FAM184B: variants seen among roughly 807,000 people sequenced by gnomAD.
The protein encoded by FAM184B is family with sequence similarity 184 member B.
In FAM184B, 111 loss-of-function variants were observed where a neutral mutation model predicts 135.9. The ratio of observed to expected loss-of-function variants is 0.82; its 90% CI spans 0.70 to 0.96. FAM184B has a LOEUF of 0.96. Among genes scored for constraint, FAM184B ranks in the 40% least tolerant of loss-of-function variants. The probability of loss-of-function intolerance (pLI) is 0.00; values close to 1 mark genes in which losing one functional copy is unlikely to be tolerated. For missense variants in FAM184B, 1,375 were observed against 1,323.9 expected (o/e 1.04, Z -0.60); for synonymous variants, 552 against 524.8 (o/e 1.05, Z -0.71).
chr4:17,708,954 G>T lies in FAM184B; in HGVS notation c.832C>A (p.His278Asn). Residue 278 changes from histidine to asparagine, a missense_variant, in exon 2 of 18, where the codon CAC (histidine) becomes AAC (asparagine). Transcript: ENST00000265018. ...QVRKLEGDLE[H>N]RGRKISDLKK... The stretch of plus-strand genomic sequence containing the variant: ...AGGTCACTTATCTTGCGGCCTCTGT[G>T]CTCCAGGTCTCCTTCCAGCTTCCGG... 6.5e-7 allele frequency: 1 copy of T among 1,549,556 alleles called. No homozygotes were observed.
intron 13 of FAM184B, among the ~76,000 whole-genome samples, chr4:17,640,075 A>G (rs1396346872): frequency 6.8e-6 from 1 of 146,400 alleles, no homozygotes; most frequent in Non-Finnish European, 1.5e-5. Flanking sequence ...CGGGTGATCC[A>G]TGCGCTTCAG....
intron 5 of FAM184B, among the ~76,000 whole-genome samples, 180 bp from the exon 6 acceptor site, chr4:17,693,592 A>G (rs891575033): frequency 6.6e-6 from 1 of 152,208 alleles, no homozygotes; most frequent in Non-Finnish European, 1.5e-5. Flanking sequence ...ACGTCACAAC[A>G]CAAAGCCTGA....
In FAM184B at chr4:17,700,918, G is replaced by GA. The variant is rs200299009; in HGVS notation, c.1377+4081dup. 3.8e-3 allele frequency among the ~76,000 whole-genome samples: 564 copies of GA among 149,982 alleles called. 2 individuals are homozygous for GA. The highest frequency in any genetic ancestry group is 0.013 in the African/African-American group (516 of 40,842). ...TTATTTTGGAAATTGATAGAAATAT[G>GA]AAAAAAAAATCTGAGATTTTGGTGG... On this transcript the variant is annotated intron_variant, in intron 5 of 17. Coordinates refer to ENST00000265018, the MANE Select transcript of FAM184B (RefSeq NM_015688.2).
intron 1 of FAM184B, among the ~76,000 whole-genome samples, chr4:17,745,962 C>T (rs1718149834): frequency 6.6e-6 from 1 of 152,080 alleles, no homozygotes; most frequent in South Asian, 2.1e-4. Flanking sequence ...CTACAAAGAA[C>T]TTTTTTTAAA....
intron 12 of FAM184B, among the ~76,000 whole-genome samples, chr4:17,644,017 G>A (rs927880626): frequency 1.3e-5 from 2 of 152,234 alleles, no homozygotes; most frequent in African/African-American, 4.8e-5. Context: ...GGGCCACTGT[G>A]TGCCAGGGAA....
intron 1 of FAM184B, among the ~76,000 whole-genome samples, chr4:17,729,174 C>T (rs1261598070): frequency 6.6e-6 from 1 of 152,224 alleles, no homozygotes; most frequent in Non-Finnish European, 1.5e-5. Flanking sequence ...TGAGATCAAA[C>T]TGCAAGGTGG....
At chr4:17,742,645 T>C (rs2108984021) in intron 1 of FAM184B, among the ~76,000 whole-genome samples, 1 of 152,324 alleles carries the variant, frequency 6.6e-6, no homozygotes, top group East Asian at 1.9e-4. Flanking sequence ...GAGAAGCAAC[T>C]GAGCATCAAA....
chr4:17,705,213 A>G lies in FAM184B; in HGVS notation c.1171-7T>C. On this transcript the variant is annotated splice_polypyrimidine_tract_variant and splice_region_variant and intron_variant, in intron 4 of 17. Coordinates refer to ENST00000265018, the MANE Select transcript of FAM184B (RefSeq NM_015688.2). ...CACTTGCCTCTTTCTTGGTCTATAA[A>G]AAGAAAAAGGACCTTGTAAAACCAC... 1 of 1,549,858 alleles carries G rather than the reference A, an allele frequency of 6.5e-7. No homozygotes were observed. Among genetic ancestry groups the G allele is most frequent in the Non-Finnish European group, 8.7e-7 (1 of 1,146,298 alleles).
chr4:17,666,386 C>G (rs1716049599), intron 7 of FAM184B, among the ~76,000 whole-genome samples: 1 of 147,358 alleles, frequency 6.8e-6, no homozygotes, highest in Non-Finnish European at 1.5e-5. Context: ...TCACTGCAAC[C>G]TCTGTCTCCC....
At chr4:17,697,448 T>G (rs1043061235) in intron 5 of FAM184B, among the ~76,000 whole-genome samples, 1 of 152,198 alleles carries the variant, frequency 6.6e-6, no homozygotes, top group Non-Finnish European at 1.5e-5. Context: ...ATAGTCTCTG[T>G]TCAGTAAATC....
At chr4:17,706,898 T>C (rs1009594089) in intron 3 of FAM184B, among the ~76,000 whole-genome samples, 1 of 151,974 alleles carries the variant, frequency 6.6e-6, no homozygotes, top group African/African-American at 2.4e-5. Context: ...TGAGTCCCCT[T>C]CCTCAGCCTC....
intron 1 of FAM184B, among the ~76,000 whole-genome samples, chr4:17,730,036 A>G (rs572579020): frequency 3.1e-4 from 47 of 152,328 alleles, no homozygotes; most frequent in African/African-American, 1.1e-3. Flanking sequence ...AGATGATTGG[A>G]TAACTAGAAT....
intron 5 of FAM184B, among the ~76,000 whole-genome samples, chr4:17,697,719 C>T (rs1416534037): frequency 6.6e-6 from 1 of 152,180 alleles, no homozygotes; most frequent in Non-Finnish European, 1.5e-5. Flanking sequence ...TTCACTGTAA[C>T]AGCACAGTGA....
chr4:17,709,291 C>G lies in FAM184B; in HGVS notation c.495G>C (p.Leu165=). The G allele has an allele frequency of 6.5e-7, 1 of 1,548,944 alleles. No individual in the cohort carries two copies. The highest frequency in any genetic ancestry group is 8.7e-7 in the Non-Finnish European group (1 of 1,145,726). ...KADYERRLQH[L]TSHEATPQGR... ...CCTGCGGGGTAGCCTCGTGGCTCGT[C>G]AGGTGCTGGAGCCTCCTCTCGTAGT... Residue 165 remains leucine, a synonymous_variant, in exon 2 of 18, where the codon CTG becomes CTC. Transcript: ENST00000265018.
intron 7 of FAM184B, among the ~76,000 whole-genome samples, chr4:17,683,994 G>C (rs1716508469): frequency 6.6e-6 from 1 of 151,572 alleles, no homozygotes; most frequent in East Asian, 1.9e-4. Flanking sequence ...AGGATTGCTT[G>C]AGCCCAGGAA....
chr4:17,708,881 T>C lies in FAM184B; in HGVS notation c.894+11A>G, dbSNP rs1477537589. The C allele has an allele frequency of 4.0e-6, 6 of 1,487,180 alleles. No individual in the cohort carries two copies. The highest frequency in any genetic ancestry group is 5.4e-6 in the Non-Finnish European group (6 of 1,115,972). 92.1% of individuals were successfully genotyped at this position (1,487,180 alleles called of 1,614,324 possible). On this transcript the variant is annotated intron_variant, in intron 2 of 17. Transcript: ENST00000265018. ...ATCCCTTTGGGGTTGTAAGAAGAGA[T>C]GCTGCTTTACCTGAATCCTCTCCTT...
chr4:17,733,095 A>G (rs1717824292), intron 1 of FAM184B, among the ~76,000 whole-genome samples: 1 of 152,180 alleles, frequency 6.6e-6, no homozygotes, highest in Non-Finnish European at 1.5e-5. Flanking sequence ...CCACATGATT[A>G]TCTCAATAGA....
intron 1 of FAM184B, among the ~76,000 whole-genome samples, chr4:17,757,048 C>G (rs75854860): frequency 0.038 from 5,788 of 152,284 alleles, 358 homozygotes; most frequent in African/African-American, 0.13. Flanking sequence ...CAGACAGTAT[C>G]TTCCTTCTGA....
intron 1 of FAM184B, among the ~76,000 whole-genome samples, chr4:17,741,625 G>A (rs797009977): frequency 3.3e-5 from 5 of 152,244 alleles, no homozygotes; most frequent in African/African-American, 1.2e-4. Flanking sequence ...CCCAGGAGGC[G>A]GAAGTTGCAG....
Sources: allele counts gnomAD v4.1 joint callset (sites outside exome capture counted in the v4.1 genomes callset), GRCh38; gene constraint gnomAD v4.1.1; transcripts MANE v1.5; gene names NCBI Gene and HGNC (gene_info 2026-07-23, HGNC 2026-07-21).